PLB1: variants seen among roughly 807,000 people sequenced by gnomAD.
PLB1 encodes phospholipase B1, membrane-associated.
A neutral mutation model predicts 227.4 loss-of-function variants in PLB1; 242 were observed. The observed-to-expected ratio is 1.06, with a 90% CI of 0.96 to 1.18. PLB1 has a LOEUF of 1.18. Ranked by LOEUF, PLB1 falls within the 50% of genes most tolerant of loss-of-function variation. The pLI, the probability that PLB1 is intolerant of heterozygous loss-of-function variation, is 0.00. For missense variants in PLB1, 1,858 were observed against 1,816.3 expected (o/e 1.02, Z -0.42); for synonymous variants, 757 against 682.2 (o/e 1.11, Z -1.71).
intron 20 of PLB1, among the ~76,000 whole-genome samples, chr2:28,570,920 C>G (rs1677905543): frequency 6.6e-6 from 1 of 152,198 alleles, no homozygotes; most frequent in Non-Finnish European, 1.5e-5. Flanking sequence ...CCCCCTCTCT[C>G]TGATATCAGG....
chr2:28,538,364 GA>G lies in PLB1; in HGVS notation c.602del (p.Asp201AlafsTer12). On this transcript the variant is annotated frameshift_variant, in exon 10 of 58. Coordinates refer to ENST00000327757, the MANE Select transcript of PLB1 (RefSeq NM_153021.5). LOFTEE classifies it high-confidence loss of function. ...CGTGGATGAGCTGATGGGGGTGCTG[GA>G]CTACCTGCAGCAGGAGGTGAGGCCA... Reference protein sequence around the residue: ...GGVDELMGVLDYLQQEVPRAF... With the variant: ...GGVDELMGVLXYLQQEVPRAF... The G allele has an allele frequency of 3.1e-6, 5 of 1,612,460 alleles. No individual in the cohort carries two copies. The highest frequency in any genetic ancestry group is 4.2e-6 in the Non-Finnish European group (5 of 1,179,870).
chr2:28,569,889 C>T (rs773737382), intron 20 of PLB1, among the ~76,000 whole-genome samples: 4 of 149,644 alleles, frequency 2.7e-5, no homozygotes, highest in Non-Finnish European at 4.4e-5. Flanking sequence ...TGGCATGAAC[C>T]CTGGAGGCAG....
In PLB1 at chr2:28,523,818, C is replaced by G. The variant is rs1025110905; in HGVS notation, c.244-1449C>G. ...AAATCAGACTTCAAGTAAGTGTTCA[C>G]ATTTCCAGCTCCTCTTGAAAAATGA... On this transcript the variant is annotated intron_variant, in intron 4 of 57. Transcript: ENST00000327757. Among the ~76,000 whole-genome samples, 3 of 152,232 alleles carry G rather than the reference C, an allele frequency of 2.0e-5. No homozygotes were observed. The South Asian group carries it at 6.2e-4, about 31-fold the overall frequency.
intron 14 of PLB1, chr2:28,548,391 A>G (rs1673629500): frequency 6.5e-6 from 2 of 309,468 alleles, no homozygotes; most frequent in Non-Finnish European, 1.4e-5. Flanking sequence ...GCTGGGCAGC[A>G]AGGAGGGGAC....
chr2:28,573,912 G>T (rs950567906), intron 21 of PLB1, among the ~76,000 whole-genome samples: 1 of 152,352 alleles, frequency 6.6e-6, no homozygotes, highest in Admixed American at 6.5e-5. Flanking sequence ...GGTCAAAATG[G>T]TGGTCCTGGC....
intron 17 of PLB1, among the ~76,000 whole-genome samples, chr2:28,561,336 T>A (rs1007039609): frequency 5.3e-5 from 8 of 152,094 alleles, no homozygotes; most frequent in Non-Finnish European, 1.2e-4. Context: ...TAAAAATATG[T>A]ATAGTCAAGC....
At chr2:28,556,430 A>G (rs1414318999) in intron 17 of PLB1, among the ~76,000 whole-genome samples, 1 of 152,182 alleles carries the variant, frequency 6.6e-6, no homozygotes, top group East Asian at 1.9e-4. Context: ...ATCAGTTGGT[A>G]TTGGGTAGCC....
chr2:28,591,681 A>T lies in PLB1; in HGVS notation c.2128-19A>T, dbSNP rs12464271. The T allele has an allele frequency of 0.21, 344,788 of 1,611,764 alleles. 38,912 individuals carry two copies. The highest frequency in any genetic ancestry group is 0.33 in the African/African-American group (24,914 of 74,864). On this transcript the variant is annotated intron_variant, in intron 30 of 57. Transcript: ENST00000327757. ...TCCCTTTCAACCCTGAGATTCTGGG[A>T]TTTGTTCTATGCCCTTAGGGTCATG...
chr2:28,522,518 G>A (rs956726848), intron 4 of PLB1, among the ~76,000 whole-genome samples: 5 of 152,144 alleles, frequency 3.3e-5, no homozygotes, highest in South Asian at 2.1e-4. Flanking sequence ...TGTGCACACC[G>A]ATATTTACAT....
chr2:28,571,238 A>C (rs1319219622), intron 20 of PLB1, among the ~76,000 whole-genome samples: 1 of 152,220 alleles, frequency 6.6e-6, no homozygotes, highest in South Asian at 2.1e-4. Flanking sequence ...ATAATGAATA[A>C]ATTTAACCAA....
intron 4 of PLB1, 137 bp downstream of exon 4, chr2:28,519,900 A>G (rs1038108825): frequency 4.9e-6 from 2 of 409,640 alleles, no homozygotes; most frequent in African/African-American, 2.1e-5. Flanking sequence ...AGGAGGTTGA[A>G]TCTTTTTATT....
chr2:28,540,853 G>C (rs11679832), intron 12 of PLB1, among the ~76,000 whole-genome samples: 152,203 of 152,288 alleles, frequency 1, 76,059 homozygotes, highest in Middle Eastern at 1. Flanking sequence ...GATGCACATT[G>C]CAGTTCACAG....
At chr2:28,582,339 G>T in intron 24 of PLB1, 66 bp from the exon 25 acceptor site, 1 of 1,409,168 alleles carries the variant, frequency 7.1e-7, no homozygotes, top group Non-Finnish European at 9.9e-7. Flanking sequence ...GGAGGAGCAG[G>T]CCCCAAACCG....
At chr2:28,591,079 A>G in intron 29 of PLB1, 54 bp from the exon 30 acceptor site, 2 of 1,608,548 alleles carry the variant, frequency 1.2e-6, no homozygotes, top group Non-Finnish European at 1.7e-6. Flanking sequence ...GAGTGCTGAC[A>G]AGCAGAGAAG....
At chr2:28,546,002 C>A (rs944867265) in intron 14 of PLB1, among the ~76,000 whole-genome samples, 15 of 152,190 alleles carry the variant, frequency 9.9e-5, no homozygotes, top group Admixed American at 5.9e-4. Flanking sequence ...CATCCTCCCT[C>A]CCTCCCTCAT....
chr2:28,557,301 G>A (rs150019211), intron 17 of PLB1, among the ~76,000 whole-genome samples: 12 of 152,246 alleles, frequency 7.9e-5, no homozygotes, highest in African/African-American at 2.9e-4. Context: ...TGGAAGGCAC[G>A]CATTGGTTCA....
chr2:28,534,191 G>A (rs1268256960), intron 9 of PLB1, among the ~76,000 whole-genome samples: 1 of 152,116 alleles, frequency 6.6e-6, no homozygotes, highest in East Asian at 1.9e-4. Context: ...GTATTTTGCT[G>A]TGTAAATTTA....
chr2:28,517,870 CTTTTTTT>C (rs751699033), intron 2 of PLB1, among the ~76,000 whole-genome samples: 1 of 133,856 alleles, frequency 7.5e-6, no homozygotes. Flanking sequence ...AGAACTTTCT[CTTTTTTT>C]TTTTTTTTTT....
At chr2:28,591,281 G>T in intron 30 of PLB1, 110 bp downstream of exon 30, 1 of 1,349,678 alleles carries the variant, frequency 7.4e-7, no homozygotes, top group Non-Finnish European at 1.1e-6. Flanking sequence ...GTTCTAGATG[G>T]GCATAAAGGC....
Sources: gnomAD v4.1 joint callset for allele counts (sites outside exome capture counted in the v4.1 genomes callset) on GRCh38, gnomAD v4.1.1 for gene constraint, MANE v1.5 for transcripts, NCBI Gene and HGNC (gene_info 2026-07-23, HGNC 2026-07-21) for gene names.